KDM1A: variants seen among roughly 807,000 people sequenced by gnomAD.
The protein encoded by KDM1A is lysine demethylase 1A.
Under a neutral mutation model 109.4 loss-of-function variants are expected in KDM1A, and 49 were observed. That is an observed-to-expected ratio of 0.45 (90% CI 0.36 to 0.57). KDM1A has a LOEUF of 0.57. KDM1A is among the 20% of genes least tolerant of loss of function. The pLI, the probability that KDM1A is intolerant of heterozygous loss-of-function variation, is 0.00. For synonymous variants in KDM1A, 380 were observed against 415.4 expected, an observed-to-expected ratio of 0.91 and a Z score of 1.04; for missense variants, 668 against 1,116.6, an observed-to-expected ratio of 0.60 and a Z score of 5.73.
rs1455289706 is a variant in KDM1A at position 23,035,360 on chromosome 1, TC to T, written c.517+4728del. Reference sequence around the variant, plus strand: ...TGGGATTACAGGCATGCGCCACTACTCCTAGCTAATTTTGTATTTTTAGTAG... The same window carrying T: ...TGGGATTACAGGCATGCGCCACTACTCTAGCTAATTTTGTATTTTTAGTAG... On this transcript the variant is annotated intron_variant, in intron 2 of 20. Coordinates refer to ENST00000400181, the MANE Select transcript of KDM1A (RefSeq NM_001009999.3). Among the ~76,000 whole-genome samples, 3 of 152,100 alleles carry T rather than the reference TC, an allele frequency of 2.0e-5. 1 individual carries two copies. The highest frequency in any genetic ancestry group is 4.4e-5 in the Non-Finnish European group (3 of 68,018).
In KDM1A at chr1:23,021,558, G is replaced by A. The variant is rs187098772; in HGVS notation, c.351+1611G>A. Among the ~76,000 whole-genome samples the A allele has an allele frequency of 2.3e-3, 356 of 152,254 alleles. 5 individuals are homozygous for A. Among genetic ancestry groups the A allele is most frequent in the African/African-American group, 8.0e-3 (333 of 41,522 alleles). Reference sequence around the variant, plus strand: ...GGGCGCCTGTAATCCCAGCTACTCCGGAGGCTGAGTTAGGGAGAATTGCTT... The same window carrying A: ...GGGCGCCTGTAATCCCAGCTACTCCAGAGGCTGAGTTAGGGAGAATTGCTT... On this transcript the variant is annotated intron_variant, in intron 1 of 20. Transcript: ENST00000400181.
intron 2 of KDM1A, among the ~76,000 whole-genome samples, chr1:23,039,565 C>G (rs1642246684): frequency 6.6e-6 from 1 of 152,200 alleles, no homozygotes; most frequent in South Asian, 2.1e-4. Context: ...GGTTTGGGTA[C>G]TGGAAAGGGA....
At chr1:23,030,414 C>A (rs1006361029) in intron 1 of KDM1A, 55 bp from the exon 2 acceptor site, 3 of 1,284,864 alleles carry the variant, frequency 2.3e-6, no homozygotes, top group Non-Finnish European at 3.1e-6. Flanking sequence ...CAAATAGAGT[C>A]CCTAATTTTA....
intron 9 of KDM1A, chr1:23,059,495 GT>G (rs1179177701): frequency 5.5e-6 from 2 of 362,842 alleles, no homozygotes; most frequent in African/African-American, 4.3e-5. Context: ...TGATTCTTCG[GT>G]TTTTTTTGTA....
intron 3 of KDM1A, among the ~76,000 whole-genome samples, chr1:23,048,290 AGCTG>A (rs1393678928): frequency 2.0e-5 from 3 of 151,898 alleles, no homozygotes; most frequent in Non-Finnish European, 4.4e-5. Flanking sequence ...TGGGAATGGG[AGCTG>A]GGGACATCAA....
chr1:23,034,649 C>A (rs1161520010), intron 2 of KDM1A, among the ~76,000 whole-genome samples: 1 of 151,932 alleles, frequency 6.6e-6, no homozygotes, highest in East Asian at 1.9e-4. Flanking sequence ...CCCTCCACTG[C>A]CTTTCAGCAG....
chr1:23,037,893 C>T (rs1642196240), intron 2 of KDM1A, among the ~76,000 whole-genome samples: 1 of 152,122 alleles, frequency 6.6e-6, no homozygotes, highest in South Asian at 2.1e-4. Flanking sequence ...TTTAGCTGAT[C>T]ACCTTTATTT....
At chr1:23,040,507 C>G (rs1642276971) in intron 2 of KDM1A, among the ~76,000 whole-genome samples, 1 of 151,946 alleles carries the variant, frequency 6.6e-6, no homozygotes, top group Non-Finnish European at 1.5e-5. Flanking sequence ...TGAAGAGTCT[C>G]TACTTTAGGC....
In KDM1A at chr1:23,051,489, A is replaced by G. The variant is rs545232809; in HGVS notation, c.711+969A>G. Among the ~76,000 whole-genome samples, 471 of 152,286 alleles carry G rather than the reference A, an allele frequency of 3.1e-3. 4 individuals are homozygous for G. The highest frequency in any genetic ancestry group is 2.5e-3 in the Non-Finnish European group (168 of 68,006). ...CCTCCGCATTGCCCTGCCCATTTTT[A>G]TTAAAACAGTGATAATCTATGCTCC... On this transcript the variant is annotated intron_variant, in intron 4 of 20. Transcript: ENST00000400181.
chr1:23,078,893 T>G, intron 16 of KDM1A, 97 bp from the exon 17 acceptor site: 3 of 1,077,834 alleles, frequency 2.8e-6, no homozygotes, highest in Non-Finnish European at 4.0e-6. Flanking sequence ...AAATGAGAAT[T>G]GAGAAATGGA....
At chr1:23,070,636 A>C (rs1643290609) in intron 12 of KDM1A, among the ~76,000 whole-genome samples, 1 of 151,806 alleles carries the variant, frequency 6.6e-6, no homozygotes, top group South Asian at 2.1e-4. Flanking sequence ...GTGAAACCCC[A>C]TCTCTACTAA....
chr1:23,069,582 GCCACGAGTTGGA>G (rs1303379702), intron 12 of KDM1A, among the ~76,000 whole-genome samples: 1 of 152,198 alleles, frequency 6.6e-6, no homozygotes, highest in Non-Finnish European at 1.5e-5. Flanking sequence ...ACTGTCCTGG[GCCACGAGTTGGA>G]CAAGCGTGGT....
At chr1:23,044,607 C>T in intron 3 of KDM1A, 121 bp downstream of exon 3, 1 of 779,716 alleles carries the variant, frequency 1.3e-6, no homozygotes, top group South Asian at 1.8e-5. Context: ...TGAAATTTAA[C>T]CCACAGGACA....
intron 2 of KDM1A, among the ~76,000 whole-genome samples, chr1:23,031,723 T>A (rs1641986584): frequency 6.6e-6 from 1 of 152,238 alleles, no homozygotes; most frequent in Non-Finnish European, 1.5e-5. Context: ...AAATCAAATT[T>A]ATAATTTATA....
intron 3 of KDM1A, among the ~76,000 whole-genome samples, chr1:23,047,266 G>T (rs1435525528): frequency 2.0e-5 from 3 of 151,944 alleles, no homozygotes; most frequent in Non-Finnish European, 4.4e-5. Context: ...TTTGATAATG[G>T]TCTTCATTCC....
intron 1 of KDM1A, among the ~76,000 whole-genome samples, chr1:23,022,648 CTTTTTTTTT>C (rs58124287): frequency 5.4e-5 from 2 of 36,848 alleles, no homozygotes; most frequent in African/African-American, 2.3e-4. Context: ...CCTTCTTCTT[CTTTTTTTTT>C]TTTTTTTTTT....
Position 23,083,348 on chromosome 1 carries a change from A to G in KDM1A, c.2615A>G (p.Gln872Arg), listed in dbSNP as rs1231766466. 5 of 1,613,112 alleles carry G rather than the reference A, an allele frequency of 3.1e-6. No individual in the cohort carries two copies. Among genetic ancestry groups the G allele is most frequent in the Non-Finnish European group, 4.2e-6 (5 of 1,179,662 alleles). The change falls in exon 21 of 21, where the codon CAG becomes CGG. Residue 872 changes from glutamine to arginine, a missense_variant. Coordinates refer to ENST00000400181, the MANE Select transcript of KDM1A (RefSeq NM_001009999.3). ...GCCACACCAGGTGTTCCTGCACAGC[A>G]GTCCCCAAGCATGTGAGACAGATGC... is the stretch of plus-strand genomic sequence containing the variant. ...RQATPGVPAQ[Q>R]SPSM
chr1:23,069,791 T>C (rs949468952), intron 12 of KDM1A, among the ~76,000 whole-genome samples: 1 of 152,238 alleles, frequency 6.6e-6, no homozygotes, highest in African/African-American at 2.4e-5. Context: ...CCGTTAGGGC[T>C]CTTCTCTGCC....
rs572333705 is a variant in KDM1A, at chr1:23,041,832, A to AT, written c.518-2588dup. 3.0e-4 allele frequency among the ~76,000 whole-genome samples: 46 copies of AT among 151,050 alleles called. 1 individual carries two copies. The highest frequency in any genetic ancestry group is 4.1e-4 in the South Asian group (2 of 4,820). On this transcript the variant is annotated intron_variant, in intron 2 of 20. Coordinates refer to ENST00000400181, the MANE Select transcript of KDM1A (RefSeq NM_001009999.3). ...TTGAATATTTTCTACATTTTCCTGCATTTTTTTAAATTAAAAAAAATCTTT... is the reference window on the plus strand; with the variant it reads ...TTGAATATTTTCTACATTTTCCTGCATTTTTTTTAAATTAAAAAAAATCTTT...
Sources: allele counts gnomAD v4.1 joint callset (sites outside exome capture counted in the v4.1 genomes callset), GRCh38; gene constraint gnomAD v4.1.1; transcripts MANE v1.5; gene names NCBI Gene and HGNC (gene_info 2026-07-23, HGNC 2026-07-21).